Variants in RANBP17 observed in about 807,000 individuals in gnomAD.
The protein encoded by RANBP17 is RAN binding protein 17, also known as ran-binding protein 17.
Under a neutral mutation model 141.2 loss-of-function variants are expected in RANBP17, and 158 were observed. The ratio of observed to expected loss-of-function variants is 1.12; its 90% CI spans 0.98 to 1.28. The LOEUF (loss-of-function observed/expected upper bound fraction) is 1.28. RANBP17 is among the 50% of genes most tolerant of loss of function. RANBP17 has a pLI of 0.00. For synonymous variants in RANBP17, 430 were observed against 450.0 expected, an observed-to-expected ratio of 0.96 and a Z score of 0.56; for missense variants, 1,438 against 1,290.7, an observed-to-expected ratio of 1.11 and a Z score of -1.75.
intron 14 of RANBP17, among the ~76,000 whole-genome samples, chr5:171,147,765 T>TG (rs1276631815): frequency 3.3e-5 from 5 of 152,090 alleles, no homozygotes; most frequent in South Asian, 2.1e-4. Flanking sequence ...TAATCTCAGG[T>TG]GGGGGGGTCA....
intron 14 of RANBP17, among the ~76,000 whole-genome samples, chr5:171,003,530 G>C (rs1359103407): frequency 1.3e-5 from 2 of 152,160 alleles, no homozygotes; most frequent in Admixed American, 1.3e-4. Flanking sequence ...ATTATGCCGA[G>C]GTAGGTAACG....
chr5:170,933,531 G>T (rs1581178483), intron 12 of RANBP17, among the ~76,000 whole-genome samples: 1 of 152,144 alleles, frequency 6.6e-6, no homozygotes, highest in South Asian at 2.1e-4. Flanking sequence ...GATCTTTCTA[G>T]CTTTCTCCTG....
intron 25 of RANBP17, among the ~76,000 whole-genome samples, chr5:171,288,373 T>A (rs918992302): frequency 2.0e-5 from 3 of 152,218 alleles, no homozygotes; most frequent in African/African-American, 7.2e-5. Context: ...GGTGGAAGAA[T>A]GAGCCATGGC....
At chr5:171,285,968 C>A (rs1160731452) in intron 25 of RANBP17, among the ~76,000 whole-genome samples, 3 of 152,202 alleles carry the variant, frequency 2.0e-5, no homozygotes, top group African/African-American at 7.2e-5. Flanking sequence ...ACAGGTAATT[C>A]TTTCCCCAGT....
chr5:171,282,746 C>G (rs1430250436), intron 25 of RANBP17, among the ~76,000 whole-genome samples: 1 of 152,140 alleles, frequency 6.6e-6, no homozygotes, highest in African/African-American at 2.4e-5. Context: ...TCCCAAAGTG[C>G]TGGGATTACA....
intron 14 of RANBP17, among the ~76,000 whole-genome samples, chr5:171,089,528 C>G (rs1786032822): frequency 6.6e-6 from 1 of 152,062 alleles, no homozygotes; most frequent in Admixed American, 6.5e-5. Context: ...CTAAGCAAGC[C>G]TGGGCAATGG....
At chr5:170,947,564 T>C (rs949627144) in intron 12 of RANBP17, among the ~76,000 whole-genome samples, 1 of 152,200 alleles carries the variant, frequency 6.6e-6, no homozygotes, top group Non-Finnish European at 1.5e-5. Flanking sequence ...ATTGCATTAT[T>C]ATCTCTCAGT....
At chr5:170,946,138 A>G (rs1051250155) in intron 12 of RANBP17, among the ~76,000 whole-genome samples, 3 of 152,144 alleles carry the variant, frequency 2.0e-5, no homozygotes, top group African/African-American at 4.8e-5. Flanking sequence ...GTAATATTAA[A>G]TGAATATAGA....
intron 14 of RANBP17, among the ~76,000 whole-genome samples, chr5:171,077,106 G>A (rs568096608): frequency 4.5e-4 from 68 of 152,232 alleles, no homozygotes; most frequent in African/African-American, 1.5e-3. Context: ...TTGGGAGGCC[G>A]AGGCAGGTGG....
At chr5:171,267,588 CA>C (rs1384019540) in intron 25 of RANBP17, among the ~76,000 whole-genome samples, 2 of 152,222 alleles carry the variant, frequency 1.3e-5, no homozygotes, top group Admixed American at 6.5e-5. Flanking sequence ...GCAGGTGGAT[CA>C]TGAGGTCAGG....
intron 14 of RANBP17, among the ~76,000 whole-genome samples, chr5:171,038,481 T>C (rs1782032200): frequency 6.6e-6 from 1 of 152,162 alleles, no homozygotes; most frequent in Non-Finnish European, 1.5e-5. Context: ...CTTCCAGTAC[T>C]ATGTTGAATA....
intron 14 of RANBP17, among the ~76,000 whole-genome samples, chr5:171,149,053 C>G (rs1258674078): frequency 6.6e-6 from 1 of 152,184 alleles, no homozygotes; most frequent in Non-Finnish European, 1.5e-5. Flanking sequence ...GTAAAGTAAA[C>G]CTAACCATAG....
chr5:171,262,748 T>C (rs1223328622), intron 24 of RANBP17, among the ~76,000 whole-genome samples: 2 of 152,218 alleles, frequency 1.3e-5, no homozygotes, highest in South Asian at 2.1e-4. Context: ...ATTCCTCTTA[T>C]CTGGCTATAC....
chr5:171,108,093 T>C (rs929595647), intron 14 of RANBP17, among the ~76,000 whole-genome samples: 24 of 152,218 alleles, frequency 1.6e-4, no homozygotes, highest in African/African-American at 5.5e-4. Flanking sequence ...ATAGATATTA[T>C]AATTTACTCA....
chr5:171,230,981 G>A (rs1438247002), intron 22 of RANBP17, among the ~76,000 whole-genome samples: 3 of 151,862 alleles, frequency 2.0e-5, no homozygotes, highest in Non-Finnish European at 4.4e-5. Flanking sequence ...CTGTCACCCA[G>A]GCTGGAGTGC....
chr5:170,952,674 CG>C (rs1775300659), intron 12 of RANBP17, among the ~76,000 whole-genome samples: 1 of 151,952 alleles, frequency 6.6e-6, no homozygotes, highest in Non-Finnish European at 1.5e-5. Context: ...TACTTGAAAG[CG>C]TTTCTTAATC....
At chr5:171,290,873 C>T (rs1768452699) in intron 25 of RANBP17, among the ~76,000 whole-genome samples, 1 of 152,188 alleles carries the variant, frequency 6.6e-6, no homozygotes, top group African/African-American at 2.4e-5. Flanking sequence ...GATTGAATGC[C>T]TACTATGTGG....
chr5:171,072,372 GT>G (rs1179205187), intron 14 of RANBP17, among the ~76,000 whole-genome samples: 1 of 151,392 alleles, frequency 6.6e-6, no homozygotes, highest in African/African-American at 2.4e-5. Flanking sequence ...AATTTGTATT[GT>G]TTTAAGACAC....
chr5:171,252,699 A>C, intron 24 of RANBP17: 2 of 1,454,442 alleles, frequency 1.4e-6, no homozygotes, highest in South Asian at 1.1e-5. Context: ...CCACCAATCC[A>C]GACAGAATGT....
Sources: allele counts gnomAD v4.1 joint callset (sites outside exome capture counted in the v4.1 genomes callset), GRCh38; gene constraint gnomAD v4.1.1; transcripts MANE v1.5; gene names NCBI Gene and HGNC (gene_info 2026-07-23, HGNC 2026-07-21).